The following MYO1H variants were observed in gnomAD, a reference collection of about 807,000 sequenced individuals.
MYO1H encodes the protein myosin IH.
In MYO1H, 118 loss-of-function variants were observed where a neutral mutation model predicts 149.3. The ratio of observed to expected loss-of-function variants is 0.79; its 90% CI spans 0.68 to 0.92. The LOEUF (loss-of-function observed/expected upper bound fraction) is 0.92. Among genes scored for constraint, MYO1H ranks in the 40% least tolerant of loss-of-function variants. The pLI is 0.00. For synonymous variants in MYO1H, 447 were observed against 465.2 expected (o/e 0.96, Z 0.50); for missense variants, 1,212 against 1,280.7 (o/e 0.95, Z 0.82).
chr12:109,441,079 G>A (rs571297301), intron 25 of MYO1H, among the ~76,000 whole-genome samples: 14 of 152,338 alleles, frequency 9.2e-5, no homozygotes, highest in African/African-American at 2.9e-4. Flanking sequence ...TCCATCCACC[G>A]GAGCAGAGAA....
At chr12:109,335,237 G>A in the MYO1H span, among the ~76,000 whole-genome samples, 6 of 152,086 alleles carry the variant, frequency 3.9e-5, no homozygotes, top group Non-Finnish European at 7.4e-5. Context: ...TGTTTCTGGG[G>A]AGGCCTCAGG....
At chr12:109,389,674 G>T (rs1298421813) in intron 2 of MYO1H, among the ~76,000 whole-genome samples, 2 of 152,130 alleles carry the variant, frequency 1.3e-5, no homozygotes, top group African/African-American at 2.4e-5. Flanking sequence ...TTTGAGGGTC[G>T]TTTTTCAGGT....
At chr12:109,406,714 T>C in intron 8 of MYO1H, 75 bp from the exon 9 acceptor site, 1 of 1,402,228 alleles carries the variant, frequency 7.1e-7, no homozygotes, top group Non-Finnish European at 1.0e-6. Context: ...GAGCCATACC[T>C]TGTCTCTAAA....
At chr12:109,367,496 A>G (rs1344361031) in intron 1 of MYO1H, among the ~76,000 whole-genome samples, 1 of 152,136 alleles carries the variant, frequency 6.6e-6, no homozygotes, top group Non-Finnish European at 1.5e-5. Flanking sequence ...CAGTTTGTGG[A>G]AGGGGAAGTT....
intron 14 of MYO1H, among the ~76,000 whole-genome samples, chr12:109,414,884 AT>A (rs113872697): frequency 1.5e-4 from 23 of 148,670 alleles, no homozygotes; most frequent in Admixed American, 5.4e-4. Flanking sequence ...AATTCTTTGT[AT>A]TTTTTTTTTA....
At position 109,425,922 on chromosome 12, in the gene MYO1H, C is replaced by T. The variant is rs376882168; in HGVS notation, c.1726-24C>T. On this transcript the variant is annotated intron_variant, in intron 17 of 31. Coordinates refer to ENST00000310903, the Ensembl canonical transcript of MYO1H. ...GCAGTATCTCTCTGGCTCGTTCTCTCTCTCTTTCTCTCTCTCTCTGCAGGT... is the reference window on the plus strand; with the variant it reads ...GCAGTATCTCTCTGGCTCGTTCTCTTTCTCTTTCTCTCTCTCTCTGCAGGT... The T allele has an allele frequency of 1.5e-5, 23 of 1,554,198 alleles. No individual in the cohort carries two copies. In the African/African-American group the frequency reaches 3.0e-4, roughly 20 times the overall value.
intron 1 of MYO1H, among the ~76,000 whole-genome samples, chr12:109,370,609 T>C (rs1192936877): frequency 6.6e-6 from 1 of 152,236 alleles, no homozygotes; most frequent in East Asian, 1.9e-4. Context: ...AAAGGGCTAC[T>C]ACCCATTTTA....
At chr12:109,410,598 A>G in intron 12 of MYO1H, 90 bp from the exon 13 acceptor site, 2 of 767,012 alleles carry the variant, frequency 2.6e-6, no homozygotes, top group Non-Finnish European at 4.3e-6. Context: ...CTAGATTTTG[A>G]AAAAAGATGT....
At chr12:109,386,995 CGTGTGTGTGTGTGT>C (rs55675476) in intron 1 of MYO1H, among the ~76,000 whole-genome samples, 33,493 of 141,122 alleles carry the variant, frequency 0.24, 4,432 homozygotes, top group Admixed American at 0.37. Context: ...ATCTCAAGTT[CGTGTGTGTGTGTGT>C]GTGTGTGTGT....
At chr12:109,407,061 C>T (rs2137058294) in intron 9 of MYO1H, among the ~76,000 whole-genome samples, 1 of 152,276 alleles carries the variant, frequency 6.6e-6, no homozygotes, top group South Asian at 2.1e-4. Context: ...TAGCAATCCA[C>T]ACCTCATACT....
chr12:109,409,917 G>T, intron 11 of MYO1H, 46 bp from the exon 12 acceptor site: 1 of 1,111,646 alleles, frequency 9.0e-7, no homozygotes, highest in Non-Finnish European at 1.3e-6. Context: ...TAAAAAAATT[G>T]TTCTCTTCAT....
chr12:109,414,240 C>G (rs1870801174), intron 14 of MYO1H, among the ~76,000 whole-genome samples: 1 of 151,968 alleles, frequency 6.6e-6, no homozygotes, highest in Non-Finnish European at 1.5e-5. Flanking sequence ...GTTTGCGAGA[C>G]CAAGACGAGT....
chr12:109,447,138 C>G, intron 31 of MYO1H, 21 bp from the exon 32 acceptor site: 1 of 1,593,288 alleles, frequency 6.3e-7, no homozygotes, highest in Non-Finnish European at 8.6e-7. Context: ...GGCTGTAAAC[C>G]GAAGTGTGAC....
chr12:109,445,400 A>G, intron 30 of MYO1H, 113 bp from the exon 31 acceptor site: 1 of 802,560 alleles, frequency 1.2e-6, no homozygotes, highest in South Asian at 2.0e-5. Context: ...GTAATAAAAC[A>G]GGAATTTGAT....
the MYO1H span, among the ~76,000 whole-genome samples, chr12:109,341,957 G>T: frequency 6.6e-6 from 1 of 151,888 alleles, no homozygotes; most frequent in South Asian, 2.1e-4. Context: ...TATATGGCCT[G>T]GTCATTGATA....
At chr12:109,316,519 C>T in the MYO1H span, among the ~76,000 whole-genome samples, 2 of 152,232 alleles carry the variant, frequency 1.3e-5, no homozygotes, top group Non-Finnish European at 2.9e-5. Context: ...TCCCCAGATA[C>T]TTGCCTCATA....
At chr12:109,336,231 C>G in the MYO1H span, among the ~76,000 whole-genome samples, 1 of 152,196 alleles carries the variant, frequency 6.6e-6, no homozygotes, top group African/African-American at 2.4e-5. Context: ...AGCCCTAAGA[C>G]TCTCCTCCAG....
At chr12:109,432,483 G>T (rs190271656) in intron 19 of MYO1H, among the ~76,000 whole-genome samples, 1 of 152,294 alleles carries the variant, frequency 6.6e-6, no homozygotes, top group African/African-American at 2.4e-5. Context: ...TCAGTTTTCT[G>T]TCGATGGACA....
intron 1 of MYO1H, among the ~76,000 whole-genome samples, chr12:109,365,919 C>G (rs1868856825): frequency 6.6e-6 from 1 of 152,190 alleles, no homozygotes; most frequent in African/African-American, 2.4e-5. Context: ...TGCCGATGCT[C>G]CGCCTCCTGT....
Sources: allele counts gnomAD v4.1 joint callset (sites outside exome capture counted in the v4.1 genomes callset), GRCh38; gene constraint gnomAD v4.1.1; transcripts MANE v1.5; gene names NCBI Gene and HGNC (gene_info 2026-07-23, HGNC 2026-07-21).